The following MDN1 variants were observed in gnomAD, a reference collection of about 807,000 sequenced individuals.
MDN1 encodes the protein midasin AAA ATPase 1.
Under a neutral mutation model 669.2 loss-of-function variants are expected in MDN1, and 266 were observed. The observed-to-expected ratio is 0.40, with a 90% CI of 0.36 to 0.44. The LOEUF is 0.44. Among genes scored for constraint, MDN1 ranks in the 20% least tolerant of loss-of-function variants. The pLI is 1.00. For missense variants in MDN1, 5,940 were observed against 6,754.0 expected, an observed-to-expected ratio of 0.88 and a Z score of 4.22; for synonymous variants, 2,385 against 2,457.1, an observed-to-expected ratio of 0.97 and a Z score of 0.87.
intron 29 of MDN1, 129 bp from the exon 30 acceptor site, chr6:89,743,843 T>C: frequency 1.0e-6 from 1 of 994,838 alleles, no homozygotes; most frequent in Non-Finnish European, 1.5e-6. Context: ...CTGGCCAATG[T>C]GGAACCTCAA....
intron 83 of MDN1, 83 bp downstream of exon 83, chr6:89,670,836 A>G: frequency 6.9e-7 from 1 of 1,439,822 alleles, no homozygotes; most frequent in Non-Finnish European, 9.4e-7. Flanking sequence ...GTCCAAAATA[A>G]AAGCCTATCA....
At chr6:89,813,563 A>AC (rs1768597604) in intron 1 of MDN1, among the ~76,000 whole-genome samples, 1 of 151,536 alleles carries the variant, frequency 6.6e-6, no homozygotes, top group Non-Finnish European at 1.5e-5. Context: ...AAAAAAAAAA[A>AC]AAACAAAAAA....
rs752652412 is a variant in MDN1 at position 89,729,139 on chromosome 6, C to A, written c.5141G>T (p.Gly1714Val). Residue 1714 changes from glycine (G) to valine (V), a missense_variant and splice_region_variant, in exon 36 of 102, where the codon GGA becomes GTA. Physicochemically the swap from Gly to Val is moderately radical, Grantham distance 109 (BLOSUM62 -3). This residue lies in a region of MDN1 where 2,292 missense variants were observed against 2,638.3 expected (regional missense o/e 0.87). Coordinates refer to ENST00000369393, the MANE Select transcript of MDN1 (RefSeq NM_014611.3). The stretch of plus-strand genomic sequence containing the variant: ...AATATTATTCCTGTGTAGGACAGGT[C>A]CTTAAGTGGAGAAAAGTAAAGTCAT... ...WGIHPFFIPR[G>V]PVLHRNNIAD... is the part of the protein sequence containing the mutation. The A allele has an allele frequency of 3.7e-6, 6 of 1,610,260 alleles. No individual in the cohort carries two copies. The Admixed American group carries it at 6.7e-5, about 18-fold the overall frequency.
rs1176039723 is a variant in MDN1, at chr6:89,726,286, C to T, written c.5473-890G>A. On this transcript the variant is annotated intron_variant, in intron 37 of 101. Coordinates refer to ENST00000369393, the MANE Select transcript of MDN1 (RefSeq NM_014611.3). The stretch of plus-strand genomic sequence containing the variant: ...GACCAGGCGGGCCAACATAGCGAAA[C>T]CTTGTCTCTACTAAAAATACAAAAC... 2.6e-5 allele frequency among the ~76,000 whole-genome samples: 4 copies of T among 151,850 alleles called. No individual in the cohort carries two copies. The East Asian group carries it at 7.7e-4, about 29-fold the overall frequency.
chr6:89,695,559 G>C lies in MDN1; in HGVS notation c.9771+46C>G. 6.5e-7 allele frequency: 1 copy of C among 1,534,544 alleles called. No homozygotes were observed. Among genetic ancestry groups the C allele is most frequent in the East Asian group, 2.3e-5 (1 of 43,970 alleles). ...AGGAGTAATACAATAAGCAAACCCA[G>C]CACGTCAGGGAAGGAGCCCATGCTC... is the stretch of plus-strand genomic sequence containing the variant. On this transcript the variant is annotated intron_variant, in intron 61 of 101. Coordinates refer to ENST00000369393, the MANE Select transcript of MDN1 (RefSeq NM_014611.3). This position sits in a 1 kb window ranked among gnomAD's most constrained non-coding sequence, Gnocchi z 4.1.
chr6:89,783,631 C>CA (rs1376196552), intron 9 of MDN1, among the ~76,000 whole-genome samples: 1 of 152,068 alleles, frequency 6.6e-6, no homozygotes, highest in Non-Finnish European at 1.5e-5. Flanking sequence ...TCTTTGTACC[C>CA]ACTCCCTGTT....
chr6:89,730,911 G>A lies in MDN1; in HGVS notation c.4955C>T (p.Ser1652Phe), dbSNP rs779551988. The change falls in exon 35 of 102, where the codon TCT becomes TTT. Residue 1652 changes from serine to phenylalanine, a missense_variant. Ser to Phe is a radical substitution (Grantham distance 155). Around this residue, in one of 5 missense-constraint regions of MDN1, gnomAD observed 2,292 missense variants for 2,638.3 expected, o/e 0.87. Coordinates refer to ENST00000369393, the MANE Select transcript of MDN1 (RefSeq NM_014611.3). ...IDGIGSGVTSSGFGTALLARK... is the reference protein window; with the variant it reads ...IDGIGSGVTSFGFGTALLARK... ...TGCCAAAAGGGCTGTACCAAACCCA[G>A]AGGAAGTTACCCCTAAAAGACAGAG... 3 of 1,613,856 alleles carry A rather than the reference G, an allele frequency of 1.9e-6. No homozygotes were observed. Among genetic ancestry groups the A allele is most frequent in the South Asian group, 1.1e-5 (1 of 91,052 alleles).
chr6:89,693,139 G>A lies in MDN1; in HGVS notation c.9891C>T (p.Arg3297=), dbSNP rs1217539942. ...AATTATCCAGCCGATCCATCCTTTG[G>A]CGAAGCAGCCTAACGGGAAATTAAC... ...SYSHPHVRLL[R]QRMDRLDNLT... is the part of the protein sequence containing the mutation. The change falls in exon 63 of 102, where the codon CGC becomes CGT. Residue 3297 remains arginine, a synonymous_variant. Coordinates refer to ENST00000369393, the MANE Select transcript of MDN1 (RefSeq NM_014611.3). 6.3e-7 allele frequency: 1 copy of A among 1,585,222 alleles called. No homozygotes were observed. The highest frequency in any genetic ancestry group is 1.4e-5 in the African/African-American group (1 of 73,836).
At chr6:89,731,037 G>A (rs1215797133) in intron 34 of MDN1, 114 bp from the exon 35 acceptor site, 1 of 804,042 alleles carries the variant, frequency 1.2e-6, no homozygotes, top group African/African-American at 1.7e-5. Flanking sequence ...CAAAACTGCA[G>A]CCTAAATGTG....
intron 17 of MDN1, among the ~76,000 whole-genome samples, chr6:89,760,279 A>C (rs1817476793): frequency 6.6e-6 from 1 of 152,190 alleles, no homozygotes; most frequent in African/African-American, 2.4e-5. Flanking sequence ...ACAGGGTCAC[A>C]GGACAGCAAA....
At chr6:89,749,106 A>T in intron 26 of MDN1, 117 bp downstream of exon 26, 1 of 982,846 alleles carries the variant, frequency 1.0e-6, no homozygotes, top group Non-Finnish European at 1.4e-6. Context: ...ATAAAAAATA[A>T]AAAAAAATCT....
At chr6:89,724,722 A>G (rs1239769162) in intron 38 of MDN1, among the ~76,000 whole-genome samples, 1 of 152,250 alleles carries the variant, frequency 6.6e-6, no homozygotes, top group East Asian at 1.9e-4. Flanking sequence ...GCATACACAT[A>G]CACAGGTACC....
At position 89,693,049 on chromosome 6, in the gene MDN1, A is replaced by G. The variant is rs1202954449; in HGVS notation, c.9981T>C (p.Val3327=). 3 of 1,614,148 alleles carry G rather than the reference A, an allele frequency of 1.9e-6. No individual in the cohort carries two copies. The highest frequency in any genetic ancestry group is 1.7e-6 in the Non-Finnish European group (2 of 1,180,018). ...TGGTGACGTAGTGGTGGATCTCCTGAACCAGGGACTCGTAGGCAGGCAGCT... is the reference window on the plus strand; with the variant it reads ...TGGTGACGTAGTGGTGGATCTCCTGGACCAGGGACTCGTAGGCAGGCAGCT... The part of the protein sequence containing the change: ...RPQLPAYESL[V]QEIHHYVTSI... The change falls in exon 63 of 102, where the codon GTT becomes GTC. Residue 3327 remains valine, a synonymous_variant. Transcript: ENST00000369393.
At position 89,725,256 on chromosome 6, in the gene MDN1, A is replaced by G; in HGVS notation, c.5613T>C (p.Phe1871=). The stretch of plus-strand genomic sequence containing the variant: ...AGCCTTTCCTCCCACCTCCTTGTCT[A>G]AAGGGATTCTGACACCCAAAAATCT... ...KTKIFGCQNP[F]RQGGGRKGLP... is the part of the protein sequence containing the mutation. Residue 1871 remains phenylalanine (F), a synonymous_variant, in exon 38 of 102, where the codon TTT becomes TTC. Coordinates refer to ENST00000369393, the MANE Select transcript of MDN1 (RefSeq NM_014611.3). 6.2e-7 allele frequency: 1 copy of G among 1,614,086 alleles called. No individual in the cohort carries two copies. Among genetic ancestry groups the G allele is most frequent in the Non-Finnish European group, 8.5e-7 (1 of 1,179,982 alleles).
intron 43 of MDN1, among the ~76,000 whole-genome samples, chr6:89,717,859 T>C (rs1294971251): frequency 7.9e-5 from 12 of 152,234 alleles, no homozygotes; most frequent in African/African-American, 2.9e-4. Context: ...AGACCCAGCC[T>C]GTGGGCCTTT....
intron 40 of MDN1, 126 bp from the exon 41 acceptor site, chr6:89,719,351 C>T: frequency 1.4e-6 from 1 of 715,214 alleles, no homozygotes; most frequent in Non-Finnish European, 2.4e-6. Flanking sequence ...ATTCCCTTAT[C>T]CTTTTGAATT....
intron 1 of MDN1, among the ~76,000 whole-genome samples, chr6:89,808,630 C>T (rs186040): frequency 0.029 from 4,358 of 152,204 alleles, 108 homozygotes; most frequent in South Asian, 0.11. Context: ...ATTCCAACAC[C>T]CTTCCCAGCA....
intron 13 of MDN1, among the ~76,000 whole-genome samples, 196 bp from the exon 14 acceptor site, chr6:89,772,917 C>T (rs754079117): frequency 1.3e-5 from 2 of 152,152 alleles, no homozygotes; most frequent in Non-Finnish European, 2.9e-5. Context: ...TGAATACTCA[C>T]ACATCTGATA....
chr6:89,727,993 C>A, intron 36 of MDN1, 38 bp from the exon 37 acceptor site: 2 of 1,573,282 alleles, frequency 1.3e-6, no homozygotes, highest in Non-Finnish European at 8.6e-7. Flanking sequence ...GCCATTATTA[C>A]TTTAAAAATC....
Sources: gnomAD v4.1 joint callset for allele counts (sites outside exome capture counted in the v4.1 genomes callset) on GRCh38, gnomAD v4.1.1 for gene constraint, gnomAD v4.1.1 regional missense constraint, Gnocchi (gnomAD v3.1) non-coding constraint, MANE v1.5 for transcripts, NCBI Gene and HGNC (gene_info 2026-07-23, HGNC 2026-07-21) for gene names.